Variants in CCSAP observed in about 807,000 individuals in gnomAD.
CCSAP encodes the protein centriole, cilia and spindle associated protein, also known as centriole, cilia and spindle-associated protein.
In CCSAP, 17 loss-of-function variants were observed where a neutral mutation model predicts 25.9. That is an observed-to-expected ratio of 0.66 (90% CI 0.45 to 0.99). The LOEUF (loss-of-function observed/expected upper bound fraction) is 0.99, where lower values mean the gene tolerates loss of function less well. Ranked by LOEUF, CCSAP falls within the 50% of genes least tolerant of loss-of-function variation. The probability of loss-of-function intolerance (pLI) is 0.00; values close to 1 mark genes in which losing one functional copy is unlikely to be tolerated. For synonymous variants in CCSAP, 169 were observed against 157.1 expected, an observed-to-expected ratio of 1.08 and a Z score of -0.57; for missense variants, 339 against 367.8, an observed-to-expected ratio of 0.92 and a Z score of 0.64.
intron 2 of CCSAP, among the ~76,000 whole-genome samples, chr1:229,330,063 T>C (rs1658032470): frequency 7.1e-6 from 1 of 141,758 alleles, no homozygotes; most frequent in African/African-American, 2.9e-5. Context: ...TGCATCAGAC[T>C]GACAGGTGGA....
At chr1:229,325,887 C>T (rs557202888) in intron 3 of CCSAP, among the ~76,000 whole-genome samples, 4 of 152,324 alleles carry the variant, frequency 2.6e-5, no homozygotes, top group East Asian at 1.9e-4. Flanking sequence ...ATTAATCCCA[C>T]GGACTTCTTA....
intron 2 of CCSAP, among the ~76,000 whole-genome samples, chr1:229,331,676 A>G (rs1437357546): frequency 6.6e-6 from 1 of 152,170 alleles, no homozygotes; most frequent in East Asian, 1.9e-4. Flanking sequence ...TTCCAATTGT[A>G]GCTAAGCTCA....
Position 229,333,239 on chromosome 1 carries a change from T to A in CCSAP, c.368-6233A>T, listed in dbSNP as rs61824261. On this transcript the variant is annotated intron_variant, in intron 2 of 3. Transcript: ENST00000284617. The stretch of plus-strand genomic sequence containing the variant: ...CGAGGTCAGGAGATAGAGACCATCC[T>A]GGGTAACACGGTGAAACCCCGTCTC... 2.6e-5 allele frequency among the ~76,000 whole-genome samples: 4 copies of A among 151,730 alleles called. No homozygotes were observed. In the East Asian group the frequency reaches 5.9e-4, roughly 22 times the overall value.
intron 3 of CCSAP, 142 bp downstream of exon 3, chr1:229,326,596 C>T (rs1172793315): frequency 2.0e-6 from 2 of 982,826 alleles, no homozygotes; most frequent in African/African-American, 1.6e-5. Flanking sequence ...TCTGGAGTTC[C>T]CCAACCCACC....
chr1:229,334,170 A>G (rs1395559055), intron 2 of CCSAP, among the ~76,000 whole-genome samples: 4 of 152,214 alleles, frequency 2.6e-5, no homozygotes, highest in Non-Finnish European at 5.9e-5. Flanking sequence ...TCCTGGGTTC[A>G]GGTGGTTCTT....
chr1:229,325,471 A>G, intron 3 of CCSAP, 60 bp from the exon 4 acceptor site: 2 of 1,519,750 alleles, frequency 1.3e-6, no homozygotes, highest in Non-Finnish European at 8.9e-7. Flanking sequence ...AATGTTCAAC[A>G]GAGGTTGCAA....
intron 2 of CCSAP, among the ~76,000 whole-genome samples, chr1:229,332,827 C>G: frequency 6.6e-6 from 1 of 152,254 alleles, no homozygotes; most frequent in African/African-American, 2.4e-5. Context: ...TGGCAGACAG[C>G]GCAAATGGAG....
At position 229,325,273 on chromosome 1, in the gene CCSAP, T is replaced by C; in HGVS notation, c.775A>G (p.Met259Val). 1.2e-6 allele frequency: 2 copies of C among 1,614,066 alleles called. No homozygotes were observed. Among genetic ancestry groups the C allele is most frequent in the African/African-American group, 1.3e-5 (1 of 75,046 alleles). The change falls in exon 4 of 4, where the codon ATG becomes GTG. Residue 259 changes from methionine to valine, a missense_variant. By Grantham distance (21) the Met-to-Val change is conservative (BLOSUM62 1). Transcript: ENST00000284617. The part of the protein sequence containing the change: ...MKASSSENPW[M>V]TEYMRCYSAR... ...GAATAGCACCTCATGTATTCTGTCA[T>C]CCACGGGTTCTCTGAGGAGGAAGCC... is the stretch of plus-strand genomic sequence containing the variant.
At chr1:229,327,092 C>T (rs950232807) in intron 2 of CCSAP, 86 bp from the exon 3 acceptor site, 10 of 1,143,438 alleles carry the variant, frequency 8.7e-6, no homozygotes, top group Non-Finnish European at 1.2e-5. Flanking sequence ...AATCATAATG[C>T]TTAAGACAGT....
intron 2 of CCSAP, among the ~76,000 whole-genome samples, chr1:229,337,678 A>AAAAATAT: frequency 1.5e-5 from 1 of 65,514 alleles, no homozygotes. Context: ...CTCAAAAAAA[A>AAAAATAT]ATATATATAT....
chr1:229,337,199 C>T (rs978415266), intron 2 of CCSAP, among the ~76,000 whole-genome samples: 1 of 152,064 alleles, frequency 6.6e-6, no homozygotes, highest in Non-Finnish European at 1.5e-5. Context: ...CACACAGGCA[C>T]ACCACAAAAT....
chr1:229,337,064 T>C (rs892541841), intron 2 of CCSAP, among the ~76,000 whole-genome samples: 7 of 151,958 alleles, frequency 4.6e-5, no homozygotes, highest in African/African-American at 9.7e-5. Context: ...AGGATAATTA[T>C]AGAAAGAGAA....
intron 2 of CCSAP, among the ~76,000 whole-genome samples, chr1:229,331,055 G>C (rs1658057255): frequency 6.6e-6 from 1 of 151,988 alleles, no homozygotes; most frequent in East Asian, 1.9e-4. Flanking sequence ...TCCCCACTAA[G>C]GATGACCTGG....
intron 2 of CCSAP, among the ~76,000 whole-genome samples, chr1:229,341,143 G>T (rs1281235455): frequency 6.9e-6 from 1 of 145,032 alleles, no homozygotes; most frequent in Non-Finnish European, 1.5e-5. Flanking sequence ...GCAGTGAGCC[G>T]AGATCGCGCC....
At chr1:229,326,308 C>G (rs1558248755) in intron 3 of CCSAP, among the ~76,000 whole-genome samples, 1 of 152,206 alleles carries the variant, frequency 6.6e-6, no homozygotes, top group Non-Finnish European at 1.5e-5. Flanking sequence ...ATCAATCAAT[C>G]AGACAAACCA....
chr1:229,333,420 G>A (rs1168776004), intron 2 of CCSAP, among the ~76,000 whole-genome samples: 12 of 121,614 alleles, frequency 9.9e-5, no homozygotes, highest in Admixed American at 4.1e-4. Flanking sequence ...GCGACAGAGC[G>A]AGACTCCATC....
At chr1:229,338,538 AACACACACACACACACAC>A (rs55718200) in intron 2 of CCSAP, among the ~76,000 whole-genome samples, 1 of 141,820 alleles carries the variant, frequency 7.1e-6, no homozygotes, top group Non-Finnish European at 1.5e-5. Flanking sequence ...CCCAAACCCC[AACACACACACACACACAC>A]ACACACACAC....
intron 2 of CCSAP, among the ~76,000 whole-genome samples, chr1:229,332,151 C>G (rs1571853130): frequency 6.6e-6 from 1 of 152,030 alleles, no homozygotes; most frequent in East Asian, 1.9e-4. Context: ...CCTCTAGTAT[C>G]CTTTATAATA....
chr1:229,332,003 C>T (rs1406781394), intron 2 of CCSAP, among the ~76,000 whole-genome samples: 2 of 151,830 alleles, frequency 1.3e-5, no homozygotes, highest in East Asian at 1.9e-4. Context: ...CCACAACACC[C>T]GGCTAATTTT....
Sources: gnomAD v4.1 joint callset for allele counts (sites outside exome capture counted in the v4.1 genomes callset) on GRCh38, gnomAD v4.1.1 for gene constraint, MANE v1.5 for transcripts, NCBI Gene and HGNC (gene_info 2026-07-23, HGNC 2026-07-21) for gene names.